The following ZNF713 variants were observed in gnomAD, a reference collection of about 807,000 sequenced individuals.
ZNF713 encodes the protein zinc finger protein 713.
A neutral mutation model predicts 28.7 loss-of-function variants in ZNF713; 21 were observed. That is an observed-to-expected ratio of 0.73 (90% CI 0.52 to 1.05). The LOEUF is 1.05. Ranked by LOEUF, ZNF713 falls within the 50% of genes least tolerant of loss-of-function variation. The pLI, the probability that ZNF713 is intolerant of heterozygous loss-of-function variation, is 0.00. For synonymous variants in ZNF713, 167 were observed against 178.0 expected, an observed-to-expected ratio of 0.94 and a Z score of 0.49; for missense variants, 458 against 532.4, an observed-to-expected ratio of 0.86 and a Z score of 1.37.
chr7:55,927,418 G>A, intron 6 of ZNF713, among the ~76,000 whole-genome samples: 1 of 151,332 alleles, frequency 6.6e-6, no homozygotes, highest in African/African-American at 2.4e-5. Context: ...TGCTACTTGG[G>A]AGGCTGAGCT....
At chr7:55,934,490 G>C (rs959331293) in intron 6 of ZNF713, among the ~76,000 whole-genome samples, 1 of 152,118 alleles carries the variant, frequency 6.6e-6, no homozygotes, top group Non-Finnish European at 1.5e-5. Flanking sequence ...GGTGAAATGA[G>C]TTACATTTCA....
chr7:55,933,516 C>T (rs1168193773), intron 6 of ZNF713, among the ~76,000 whole-genome samples: 1 of 151,854 alleles, frequency 6.6e-6, no homozygotes, highest in Non-Finnish European at 1.5e-5. Flanking sequence ...AGGCTGATCT[C>T]GAACTCCTGA....
chr7:55,887,600 C>CGCTGCG lies in ZNF713; in HGVS notation c.-661_-660insTGCGGC, dbSNP rs1785268811. ...GGCACCTTCTCCCTCCCGGGTCCAC[C>CGCTGCG]GCGGCGGCGGCGGCGGCGGCGGCGG... On this transcript the variant is annotated 5_prime_UTR_variant, in exon 1 of 7. Transcript: ENST00000429591. 1 of 177,866 alleles carries CGCTGCG rather than the reference C, an allele frequency of 5.6e-6. No individual in the cohort carries two copies. The highest frequency in any genetic ancestry group is 1.1e-5 in the Non-Finnish European group (1 of 90,520). 11.0% of individuals were successfully genotyped at this position (177,866 alleles called of 1,614,324 possible). A position where few individuals can be genotyped will look rare whatever the true frequency, so the allele number is the denominator to read the frequency against.
chr7:55,909,995 A>G (rs1404501173), intron 2 of ZNF713, among the ~76,000 whole-genome samples: 1 of 151,090 alleles, frequency 6.6e-6, no homozygotes, highest in Non-Finnish European at 1.5e-5. Context: ...GTGTGTGTAT[A>G]TACGTTTATG....
At chr7:55,916,059 G>T (rs2088638495) in intron 4 of ZNF713, among the ~76,000 whole-genome samples, 1 of 152,078 alleles carries the variant, frequency 6.6e-6, no homozygotes, top group Non-Finnish European at 1.5e-5. Context: ...TTAGCTAAGG[G>T]GTAAAAGCAA....
intron 4 of ZNF713, among the ~76,000 whole-genome samples, chr7:55,915,694 G>GA (rs537180536): frequency 1.1e-4 from 17 of 152,314 alleles, no homozygotes; most frequent in Middle Eastern, 3.4e-3. Context: ...ATTAAAAGAA[G>GA]ACCACTGTGG....
intron 6 of ZNF713, 44 bp from the exon 7 acceptor site, chr7:55,938,938 A>G: frequency 6.6e-7 from 1 of 1,515,176 alleles, no homozygotes; most frequent in African/African-American, 1.4e-5. Flanking sequence ...CATAGATAAC[A>G]TGAGAATATT....
intron 6 of ZNF713, among the ~76,000 whole-genome samples, chr7:55,937,975 A>G (rs955881391): frequency 6.6e-6 from 1 of 152,016 alleles, no homozygotes; most frequent in Non-Finnish European, 1.5e-5. Context: ...AGGCTGAGGC[A>G]ATCAGATCAC....
chr7:55,887,975 C>T (rs1785309892), intron 1 of ZNF713, among the ~76,000 whole-genome samples: 1 of 151,074 alleles, frequency 6.6e-6, no homozygotes, highest in Admixed American at 6.6e-5. Context: ...CCCCGTGTCC[C>T]TTTCAGATTT....
At chr7:55,931,668 TTGTTTCCTTCCTTCC>T (rs1450491685) in intron 6 of ZNF713, among the ~76,000 whole-genome samples, 1 of 151,372 alleles carries the variant, frequency 6.6e-6, no homozygotes, top group Non-Finnish European at 1.5e-5. Flanking sequence ...TCTTACTTCC[TTGTTTCCTTCCTTCC>T]TGTTTCCTAA....
At chr7:55,890,736 G>C (rs1269482528) in intron 1 of ZNF713, among the ~76,000 whole-genome samples, 1 of 151,918 alleles carries the variant, frequency 6.6e-6, no homozygotes, top group Non-Finnish European at 1.5e-5. Context: ...ATATTAAGGA[G>C]AGGCTGGACG....
At chr7:55,888,817 G>A (rs1785328092) in intron 1 of ZNF713, among the ~76,000 whole-genome samples, 1 of 152,048 alleles carries the variant, frequency 6.6e-6, no homozygotes, top group Non-Finnish European at 1.5e-5. Flanking sequence ...GGAGGCAGAG[G>A]CAGGAGGATC....
At chr7:55,903,484 A>G (rs1301864335) in intron 1 of ZNF713, among the ~76,000 whole-genome samples, 1 of 152,082 alleles carries the variant, frequency 6.6e-6, no homozygotes, top group East Asian at 1.9e-4. Context: ...AGACTGACCA[A>G]TATGGTGAAA....
intron 4 of ZNF713, among the ~76,000 whole-genome samples, chr7:55,914,206 C>T (rs1395501980): frequency 6.6e-6 from 1 of 151,640 alleles, no homozygotes; most frequent in Non-Finnish European, 1.5e-5. Flanking sequence ...TATTTAAGAT[C>T]TCTTTTATGG....
intron 2 of ZNF713, among the ~76,000 whole-genome samples, chr7:55,906,600 C>T (rs1785683684): frequency 1.3e-5 from 2 of 152,014 alleles, no homozygotes; most frequent in South Asian, 2.1e-4. Context: ...TGCCTCAGGA[C>T]GGGAGGTTAG....
intron 2 of ZNF713, among the ~76,000 whole-genome samples, chr7:55,907,946 T>C (rs1194606485): frequency 2.0e-5 from 3 of 152,018 alleles, no homozygotes; most frequent in South Asian, 4.1e-4. Context: ...TTTTTATATA[T>C]AATAATTTAT....
At chr7:55,893,558 A>G (rs1293723800) in intron 1 of ZNF713, among the ~76,000 whole-genome samples, 1 of 152,104 alleles carries the variant, frequency 6.6e-6, no homozygotes, top group Non-Finnish European at 1.5e-5. Context: ...CTTTGGAGAA[A>G]AAGCATTCCT....
At chr7:55,927,549 A>G (rs1054822676) in intron 6 of ZNF713, among the ~76,000 whole-genome samples, 7 of 152,006 alleles carry the variant, frequency 4.6e-5, no homozygotes, top group Non-Finnish European at 4.4e-5. Flanking sequence ...TGTTCTAAGC[A>G]GGAACGATTT....
chr7:55,912,772 G>A (rs1376663472), intron 4 of ZNF713, 49 bp downstream of exon 4: 4 of 1,493,002 alleles, frequency 2.7e-6, no homozygotes, highest in East Asian at 4.5e-5. Flanking sequence ...CTCAGAATGT[G>A]GGCACTTTTA....
Sources: gnomAD v4.1 joint callset for allele counts (sites outside exome capture counted in the v4.1 genomes callset) on GRCh38, gnomAD v4.1.1 for gene constraint, MANE v1.5 for transcripts, NCBI Gene and HGNC (gene_info 2026-07-23, HGNC 2026-07-21) for gene names.